CDH12: variants seen among roughly 807,000 people sequenced by gnomAD.
CDH12 encodes the protein cadherin-12.
CDH12 carries 41 observed loss-of-function variants against 74.1 expected under a neutral mutation model. The ratio of observed to expected loss-of-function variants is 0.55; its 90% CI spans 0.43 to 0.72. The LOEUF is 0.72. Among genes scored for constraint, CDH12 ranks in the 30% least tolerant of loss-of-function variants. CDH12 has a pLI of 0.00. For synonymous variants in CDH12, 399 were observed against 355.0 expected (o/e 1.12, Z -1.39); for missense variants, 945 against 977.2 (o/e 0.97, Z 0.44).
intron 5 of CDH12, among the ~76,000 whole-genome samples, chr5:21,981,270 A>G (rs1757293395): frequency 7.9e-6 from 1 of 126,950 alleles, no homozygotes; most frequent in African/African-American, 4.7e-5. Context: ...CTCAGAATGT[A>G]TCCTTTTCTT....
chr5:22,848,368 A>T (rs1470639112), intron 1 of CDH12, among the ~76,000 whole-genome samples: 1 of 152,158 alleles, frequency 6.6e-6, no homozygotes, highest in Non-Finnish European at 1.5e-5. Context: ...ATTTTAACTT[A>T]CCTAATGTGG....
chr5:22,403,417 T>G (rs1742812870), intron 3 of CDH12, among the ~76,000 whole-genome samples: 1 of 152,140 alleles, frequency 6.6e-6, no homozygotes, highest in African/African-American at 2.4e-5. Context: ...CATGGGACAT[T>G]TTACTTTTTT....
intron 3 of CDH12, among the ~76,000 whole-genome samples, chr5:22,403,945 G>T (rs1431971431): frequency 6.6e-6 from 1 of 151,848 alleles, no homozygotes; most frequent in Non-Finnish European, 1.5e-5. Flanking sequence ...TATAATATTT[G>T]ACTATATTAT....
intron 5 of CDH12, among the ~76,000 whole-genome samples, chr5:22,068,183 T>C (rs1242199467): frequency 2.6e-5 from 4 of 152,058 alleles, no homozygotes; most frequent in African/African-American, 9.7e-5. Flanking sequence ...GAAAGTGGCA[T>C]ATACAAGATG....
intron 2 of CDH12, among the ~76,000 whole-genome samples, chr5:22,432,199 TGG>T (rs1744201917): frequency 6.6e-6 from 1 of 152,140 alleles, no homozygotes. Flanking sequence ...ATAAATACCA[TGG>T]TGTTATACTT....
At chr5:22,081,650 T>C (rs1742736614) in intron 4 of CDH12, among the ~76,000 whole-genome samples, 1 of 152,210 alleles carries the variant, frequency 6.6e-6, no homozygotes, top group Non-Finnish European at 1.5e-5. Flanking sequence ...CACTGACATC[T>C]AAGGTCATCT....
chr5:22,727,251 C>A (rs567520712), intron 1 of CDH12, among the ~76,000 whole-genome samples: 3 of 151,696 alleles, frequency 2.0e-5, no homozygotes, highest in African/African-American at 7.3e-5. Context: ...TCAGACAAAA[C>A]GTTAAGTAGG....
intron 7 of CDH12, among the ~76,000 whole-genome samples, chr5:21,851,326 C>G (rs957581925): frequency 6.6e-6 from 1 of 150,876 alleles, no homozygotes; most frequent in Non-Finnish European, 1.5e-5. Flanking sequence ...TGGAGTTACT[C>G]TATTATCAAA....
At chr5:22,747,245 G>T (rs1270861249) in intron 1 of CDH12, among the ~76,000 whole-genome samples, 1 of 151,974 alleles carries the variant, frequency 6.6e-6, no homozygotes, top group Non-Finnish European at 1.5e-5. Context: ...AATAACATGT[G>T]ATTTTTAAAA....
At chr5:22,015,245 A>G (rs1737531439) in intron 5 of CDH12, among the ~76,000 whole-genome samples, 1 of 152,206 alleles carries the variant, frequency 6.6e-6, no homozygotes, top group South Asian at 2.1e-4. Flanking sequence ...TGCCTTTACT[A>G]TTAAAGAAAT....
chr5:21,993,550 T>C (rs1387592620), intron 5 of CDH12, among the ~76,000 whole-genome samples: 1 of 152,214 alleles, frequency 6.6e-6, no homozygotes, highest in Non-Finnish European at 1.5e-5. Flanking sequence ...AGAAGCAACC[T>C]GCAGGAGTTG....
chr5:22,068,835 G>T (rs1741741566), intron 5 of CDH12, among the ~76,000 whole-genome samples: 1 of 152,132 alleles, frequency 6.6e-6, no homozygotes, highest in African/African-American at 2.4e-5. Context: ...AAATAAAGGG[G>T]CCATGTTGGC....
At chr5:22,041,769 G>A (rs559997626) in intron 5 of CDH12, among the ~76,000 whole-genome samples, 2 of 152,096 alleles carry the variant, frequency 1.3e-5, no homozygotes, top group Non-Finnish European at 2.9e-5. Flanking sequence ...GAGAAGTAAT[G>A]AGGAAATACT....
At chr5:22,736,767 A>C (rs1388857603) in intron 1 of CDH12, among the ~76,000 whole-genome samples, 1 of 151,836 alleles carries the variant, frequency 6.6e-6, no homozygotes, top group African/African-American at 2.4e-5. Context: ...CATAGTTGTC[A>C]TAGCAACATA....
chr5:22,147,649 C>T lies in CDH12; in HGVS notation c.-187+64849G>A, dbSNP rs535342710. On this transcript the variant is annotated intron_variant, in intron 4 of 14. Coordinates refer to ENST00000382254, the MANE Select transcript of CDH12 (RefSeq NM_004061.5). Reference sequence around the variant, plus strand: ...GTTCCACGTGGTTGGGGAGGCCTCACAATCATGGCAGAAGGCAAAAGGCAC... The same window carrying T: ...GTTCCACGTGGTTGGGGAGGCCTCATAATCATGGCAGAAGGCAAAAGGCAC... 4.0e-5 allele frequency among the ~76,000 whole-genome samples: 6 copies of T among 150,196 alleles called. No homozygotes were observed. In the East Asian group the frequency reaches 7.8e-4, roughly 20 times the overall value.
intron 1 of CDH12, among the ~76,000 whole-genome samples, chr5:22,844,093 C>A (rs892864882): frequency 5.3e-5 from 8 of 152,080 alleles, no homozygotes; most frequent in Non-Finnish European, 1.0e-4. Context: ...AAATGCCTGT[C>A]ATTCTGTTCC....
At chr5:22,053,028 TA>T (rs1210676292) in intron 5 of CDH12, among the ~76,000 whole-genome samples, 2 of 151,944 alleles carry the variant, frequency 1.3e-5, no homozygotes, top group African/African-American at 4.8e-5. Flanking sequence ...AATGATGATA[TA>T]TTTTTTTAAA....
At chr5:22,046,804 G>A (rs1166005095) in intron 5 of CDH12, among the ~76,000 whole-genome samples, 1 of 152,032 alleles carries the variant, frequency 6.6e-6, no homozygotes, top group Non-Finnish European at 1.5e-5. Flanking sequence ...ATTTTTGGAG[G>A]TAGAAAGTGC....
At chr5:22,648,770 C>T (rs1304174698) in intron 1 of CDH12, among the ~76,000 whole-genome samples, 1 of 151,758 alleles carries the variant, frequency 6.6e-6, no homozygotes, top group East Asian at 1.9e-4. Context: ...TATGCAATCA[C>T]AAAGGGTAAA....
Sources: gnomAD v4.1 joint callset for allele counts (sites outside exome capture counted in the v4.1 genomes callset) on GRCh38, gnomAD v4.1.1 for gene constraint, MANE v1.5 for transcripts, NCBI Gene and HGNC (gene_info 2026-07-23, HGNC 2026-07-21) for gene names.